Variants in CSMD1 observed in about 807,000 individuals in gnomAD.
CSMD1 encodes the protein CUB and Sushi multiple domains 1.
A neutral mutation model predicts 417.5 loss-of-function variants in CSMD1; 213 were observed. The observed-to-expected ratio is 0.51, with a 90% CI of 0.46 to 0.57. The LOEUF (loss-of-function observed/expected upper bound fraction) is 0.57, where lower values mean the gene tolerates loss of function less well. Among genes scored for constraint, CSMD1 ranks in the 20% least tolerant of loss-of-function variants. The pLI is 0.00. For missense variants in CSMD1, 6,923 were observed against 4,529.7 expected (o/e 1.53, Z -15.17); for synonymous variants, 2,862 against 1,736.8 (o/e 1.65, Z -16.11).
intron 1 of CSMD1, among the ~76,000 whole-genome samples, chr8:4,756,688 C>T (rs1811689476): frequency 6.6e-6 from 1 of 152,166 alleles, no homozygotes; most frequent in South Asian, 2.1e-4. Context: ...CAGTCAATTT[C>T]TAGTTTTCAC....
intron 3 of CSMD1, among the ~76,000 whole-genome samples, chr8:4,135,762 A>T (rs13282148): frequency 0.081 from 12,328 of 152,240 alleles, 641 homozygotes; most frequent in South Asian, 0.16. Context: ...TGTAAACTAG[A>T]AAGAGAAACT....
At chr8:4,901,113 C>G (rs1804842740) in intron 1 of CSMD1, among the ~76,000 whole-genome samples, 1 of 152,218 alleles carries the variant, frequency 6.6e-6, no homozygotes, top group South Asian at 2.1e-4. Context: ...ATACCCTCGT[C>G]AGTATTACAC....
intron 3 of CSMD1, among the ~76,000 whole-genome samples, chr8:4,098,323 C>A (rs566295331): frequency 1.3e-5 from 2 of 152,106 alleles, no homozygotes; most frequent in Non-Finnish European, 2.9e-5. Context: ...AAGTATCACA[C>A]TGAGAATAAA....
intron 25 of CSMD1, among the ~76,000 whole-genome samples, chr8:3,298,715 A>G (rs1427185950): frequency 6.6e-6 from 1 of 152,180 alleles, no homozygotes; most frequent in African/African-American, 2.4e-5. Flanking sequence ...CAGCCTCCCA[A>G]AGTGCTAGGA....
chr8:4,038,937 G>C (rs544136209), intron 3 of CSMD1, among the ~76,000 whole-genome samples: 1 of 152,048 alleles, frequency 6.6e-6, no homozygotes, highest in Non-Finnish European at 1.5e-5. Flanking sequence ...AAGTACATAT[G>C]GTCACAATTC....
chr8:4,651,010 G>C (rs1396031547), intron 1 of CSMD1, among the ~76,000 whole-genome samples: 1 of 152,140 alleles, frequency 6.6e-6, no homozygotes, highest in Non-Finnish European at 1.5e-5. Flanking sequence ...TTAGAGACAA[G>C]GGACCATTTG....
intron 3 of CSMD1, among the ~76,000 whole-genome samples, chr8:4,381,481 C>G (rs567064240): frequency 6.6e-6 from 1 of 152,130 alleles, no homozygotes; most frequent in African/African-American, 2.4e-5. Flanking sequence ...CATTGTCTTC[C>G]AACTGGCAGG....
At chr8:4,392,399 A>G (rs1050204809) in intron 3 of CSMD1, among the ~76,000 whole-genome samples, 10 of 152,124 alleles carry the variant, frequency 6.6e-5, no homozygotes, top group Admixed American at 1.3e-4. Flanking sequence ...GAGACACAAA[A>G]TTATTCAAAT....
intron 3 of CSMD1, among the ~76,000 whole-genome samples, chr8:4,229,526 T>C (rs1196903219): frequency 6.6e-6 from 1 of 152,190 alleles, no homozygotes; most frequent in Non-Finnish European, 1.5e-5. Context: ...GTAGCTTTTT[T>C]CCTCTTATTT....
intron 3 of CSMD1, among the ~76,000 whole-genome samples, chr8:4,157,399 G>T (rs574155489): frequency 1.1e-4 from 17 of 152,112 alleles, no homozygotes; most frequent in Non-Finnish European, 1.5e-5. Context: ...AGGTTGAATT[G>T]AAAATTTTCT....
At chr8:3,292,742 C>G (rs1229171038) in intron 25 of CSMD1, among the ~76,000 whole-genome samples, 1 of 152,106 alleles carries the variant, frequency 6.6e-6, no homozygotes, top group South Asian at 2.1e-4. Context: ...GATGGGTTTC[C>G]TGAATAGAGC....
chr8:4,697,301 G>A (rs553817231), intron 1 of CSMD1, among the ~76,000 whole-genome samples: 3 of 152,212 alleles, frequency 2.0e-5, no homozygotes, highest in African/African-American at 4.8e-5. Context: ...AGGACCACCT[G>A]GACTTAGTTA....
chr8:4,199,683 T>C (rs1466224449), intron 3 of CSMD1, among the ~76,000 whole-genome samples: 1 of 152,140 alleles, frequency 6.6e-6, no homozygotes, highest in African/African-American at 2.4e-5. Flanking sequence ...GGCAAGGCAG[T>C]CCAGATTTAA....
intron 6 of CSMD1, among the ~76,000 whole-genome samples, chr8:3,713,609 G>A (rs571487827): frequency 7.2e-5 from 11 of 152,026 alleles, no homozygotes; most frequent in East Asian, 1.9e-4. Flanking sequence ...TAATACACCC[G>A]TACCGTCCTT....
chr8:4,083,008 C>T (rs981060599), intron 3 of CSMD1, among the ~76,000 whole-genome samples: 12 of 151,956 alleles, frequency 7.9e-5, no homozygotes, highest in African/African-American at 2.9e-4. Context: ...TTAATCCAGT[C>T]TATCATTGTT....
chr8:3,921,053 T>G (rs1464812019), intron 5 of CSMD1, among the ~76,000 whole-genome samples: 1 of 152,158 alleles, frequency 6.6e-6, no homozygotes, highest in East Asian at 1.9e-4. Flanking sequence ...GGTTTAGTGT[T>G]TCTTTAAATG....
chr8:3,315,084 G>GTTAA (rs1309751974), intron 23 of CSMD1, among the ~76,000 whole-genome samples: 1 of 152,058 alleles, frequency 6.6e-6, no homozygotes, highest in African/African-American at 2.4e-5. Flanking sequence ...CTATCTATCT[G>GTTAA]TTAATTTTAC....
chr8:4,047,303 A>G (rs559101878), intron 3 of CSMD1, among the ~76,000 whole-genome samples: 2 of 152,304 alleles, frequency 1.3e-5, no homozygotes, highest in East Asian at 1.9e-4. Flanking sequence ...AGAGAGACAT[A>G]AAGTGGAATA....
At chr8:4,870,156 A>G (rs1298715873) in intron 1 of CSMD1, among the ~76,000 whole-genome samples, 1 of 152,184 alleles carries the variant, frequency 6.6e-6, no homozygotes, top group Non-Finnish European at 1.5e-5. Context: ...TAAAATGTTT[A>G]AACATCATGG....
Sources: gnomAD v4.1 joint callset for allele counts (sites outside exome capture counted in the v4.1 genomes callset) on GRCh38, gnomAD v4.1.1 for gene constraint, MANE v1.5 for transcripts, NCBI Gene and HGNC (gene_info 2026-07-23, HGNC 2026-07-21) for gene names.